The following STK32C variants were observed in gnomAD, a reference collection of about 807,000 sequenced individuals.
The protein encoded by STK32C is serine/threonine-protein kinase 32C.
Under a neutral mutation model 56.5 loss-of-function variants are expected in STK32C, and 31 were observed. The ratio of observed to expected loss-of-function variants is 0.55; its 90% CI spans 0.41 to 0.74. The LOEUF (loss-of-function observed/expected upper bound fraction) is 0.74. Ranked by LOEUF, STK32C falls within the 30% of genes least tolerant of loss-of-function variation. The pLI is 0.00. For missense variants in STK32C, 544 were observed against 676.9 expected, an observed-to-expected ratio of 0.80 and a Z score of 2.18; for synonymous variants, 309 against 289.4, an observed-to-expected ratio of 1.07 and a Z score of -0.69.
chr10:132,304,813 C>T (rs1159842343), intron 1 of STK32C, among the ~76,000 whole-genome samples: 1 of 152,242 alleles, frequency 6.6e-6, no homozygotes, highest in Non-Finnish European at 1.5e-5. Context: ...CCAGGGCGGG[C>T]CGTCCACAGC....
At chr10:132,303,540 G>C (rs1190900379) in intron 1 of STK32C, among the ~76,000 whole-genome samples, 1 of 152,222 alleles carries the variant, frequency 6.6e-6, no homozygotes, top group Non-Finnish European at 1.5e-5. Flanking sequence ...CTCAGCCTGT[G>C]TACCAGGAAG....
intron 1 of STK32C, among the ~76,000 whole-genome samples, chr10:132,281,070 CAACT>C (rs2065188026): frequency 2.0e-5 from 3 of 151,838 alleles, no homozygotes; most frequent in Admixed American, 2.0e-4. Context: ...TGTGATCATG[CAACT>C]ACATTCTGTG....
At chr10:132,257,286 C>T (rs2064155505) in intron 1 of STK32C, among the ~76,000 whole-genome samples, 1 of 152,124 alleles carries the variant, frequency 6.6e-6, no homozygotes. Flanking sequence ...TCTGTCCTTC[C>T]ATCCTCCCAC....
chr10:132,325,478 A>G lies in STK32C; in HGVS notation c.302-1105T>C, dbSNP rs367629439. Among the ~76,000 whole-genome samples the G allele has an allele frequency of 1.4e-4, 21 of 151,054 alleles. No individual in the cohort carries two copies. In the South Asian group the frequency reaches 4.0e-3, roughly 29 times the overall value. ...TGAGGCAGGAGAATGGCGTGAACCCAGGAGGCGGAGCTTCCAGTGAGCCGA... is the reference window on the plus strand; with the variant it reads ...TGAGGCAGGAGAATGGCGTGAACCCGGGAGGCGGAGCTTCCAGTGAGCCGA... On this transcript the variant is annotated intron_variant, in intron 1 of 1. Coordinates refer to the STK32C transcript ENST00000368619.
chr10:132,235,601 A>G (rs2063258566), intron 2 of STK32C, among the ~76,000 whole-genome samples: 1 of 152,060 alleles, frequency 6.6e-6, no homozygotes, highest in South Asian at 2.1e-4. Context: ...GGCAGGAGGA[A>G]GGGACAGTGT....
chr10:132,271,846 A>G (rs1347260610), intron 1 of STK32C, among the ~76,000 whole-genome samples: 2 of 152,178 alleles, frequency 1.3e-5, no homozygotes, highest in African/African-American at 4.8e-5. Flanking sequence ...TCCTGGGCAC[A>G]CTGTGCTCAG....
chr10:132,292,830 C>G (rs567447551), intron 1 of STK32C, among the ~76,000 whole-genome samples: 10 of 152,066 alleles, frequency 6.6e-5, no homozygotes, highest in Non-Finnish European at 1.5e-4. Context: ...CATCAGATTG[C>G]CAACCTCTCA....
exon 1 of STK32C, chr10:132,331,689 A>C: frequency 1.2e-6 from 2 of 1,612,776 alleles, no homozygotes; most frequent in South Asian, 2.2e-5. Flanking sequence ...GTCCTCGAGC[A>C]GCCCCGCCCG....
In STK32C at chr10:132,223,751, C is replaced by T. The variant is rs1031813660; in HGVS notation, c.993+656G>A. On this transcript the variant is annotated intron_variant, in intron 8 of 11. Transcript: ENST00000298630. ...ACGGGGGCCGGGAGGCAGCCGGGCC[C>T]GTGTGGCACACTCACTCCCCTCCCT... Among the ~76,000 whole-genome samples, 17 of 152,314 alleles carry T rather than the reference C, an allele frequency of 1.1e-4. 1 individual carries two copies. In the East Asian group the frequency reaches 1.5e-3, roughly 14 times the overall value.
chr10:132,307,766 C>G lies in STK32C; in HGVS notation c.68G>C (p.Arg23Pro), dbSNP rs1334135265. The change falls in exon 1 of 12, where the codon CGC becomes CCC. Residue 23 changes from arginine to proline, a missense_variant. Coordinates refer to ENST00000298630, the MANE Select transcript of STK32C (RefSeq NM_173575.4). The surrounding 1 kb of genome is among the most constrained non-coding windows in gnomAD (Gnocchi z 4.4). ...AASPGSPPPG[R>P]ARPAGSDAPS... ...CGCGTCGGAGCCGGCGGGGCGCGCG[C>G]GGCCGGGGGGCGGCGAGCCCGGGGA... is the stretch of plus-strand genomic sequence containing the variant. 5.9e-5 allele frequency: 59 copies of G among 1,000,996 alleles called. 1 individual carries two copies. In the East Asian group the frequency reaches 4.2e-3, roughly 72 times the overall value. The allele number at this position is 1,000,996 out of a possible 1,614,324, so 62.0% of individuals were successfully genotyped here. A position where few individuals can be genotyped will look rare whatever the true frequency, so the allele number is the denominator to read the frequency against.
chr10:132,217,550 C>G (rs929972533), intron 10 of STK32C, among the ~76,000 whole-genome samples: 2 of 152,070 alleles, frequency 1.3e-5, no homozygotes, highest in Non-Finnish European at 2.9e-5. Context: ...TTTGGAGGGG[C>G]TGGGGCAGAA....
chr10:132,240,476 G>A (rs954236956), intron 2 of STK32C, among the ~76,000 whole-genome samples: 1 of 152,186 alleles, frequency 6.6e-6, no homozygotes, highest in Non-Finnish European at 1.5e-5. Flanking sequence ...GGCCCTGCAC[G>A]GGGGCATGGA....
At chr10:132,271,945 T>C (rs1428237278) in intron 1 of STK32C, among the ~76,000 whole-genome samples, 1 of 152,128 alleles carries the variant, frequency 6.6e-6, no homozygotes, top group Non-Finnish European at 1.5e-5. Context: ...GACCTCCTCA[T>C]GTTTGTGTGT....
chr10:132,299,928 C>T (rs950914947), intron 1 of STK32C, among the ~76,000 whole-genome samples: 2 of 152,236 alleles, frequency 1.3e-5, no homozygotes, highest in Admixed American at 6.5e-5. Context: ...GGACCCAGGG[C>T]GCTGGCACAG....
In STK32C at chr10:132,307,868, G is replaced by C. The variant is rs755035008; in HGVS notation, c.-35C>G. On this transcript the variant is annotated 5_prime_UTR_variant, in exon 1 of 12. Transcript: ENST00000298630. The surrounding 1 kb of genome is among the most constrained non-coding windows in gnomAD (Gnocchi z 4.4). The stretch of plus-strand genomic sequence containing the variant: ...TGGGTGCGCGCGGCAGCCGGAACTC[G>C]GGGCATGGCCGGCCGGCAGGGCCGG... 2.8e-5 allele frequency: 32 copies of C among 1,142,748 alleles called. No individual in the cohort carries two copies. The South Asian group carries it at 5.2e-4, about 19-fold the overall frequency. The allele number at this position is 1,142,748 out of a possible 1,614,324, so 70.8% of individuals were successfully genotyped here. A position where few individuals can be genotyped will look rare whatever the true frequency, so the allele number is the denominator to read the frequency against.
chr10:132,247,667 A>C (rs1315388762), intron 1 of STK32C, among the ~76,000 whole-genome samples: 1 of 152,070 alleles, frequency 6.6e-6, no homozygotes, highest in Non-Finnish European at 1.5e-5. Flanking sequence ...GTCCTGGGTG[A>C]AGTGGGAGGG....
intron 2 of STK32C, among the ~76,000 whole-genome samples, chr10:132,231,219 C>T (rs552054283): frequency 7.2e-5 from 11 of 152,352 alleles, no homozygotes; most frequent in African/African-American, 2.6e-4. Context: ...CGCACACCCA[C>T]GGCTCTGCTG....
chr10:132,238,303 C>T (rs772831535), intron 2 of STK32C, among the ~76,000 whole-genome samples: 2 of 152,182 alleles, frequency 1.3e-5, no homozygotes, highest in Non-Finnish European at 2.9e-5. Context: ...TTTATTATCA[C>T]ACAGGTGGGT....
At chr10:132,211,616 G>GCTGCC (rs1431113058) in intron 10 of STK32C, among the ~76,000 whole-genome samples, 2 of 152,202 alleles carry the variant, frequency 1.3e-5, no homozygotes, top group Non-Finnish European at 2.9e-5. Flanking sequence ...GGCAGGGTCT[G>GCTGCC]TGCCTGGCCT....
Sources: allele counts gnomAD v4.1 joint callset (sites outside exome capture counted in the v4.1 genomes callset), GRCh38; gene constraint gnomAD v4.1.1; non-coding constraint Gnocchi (gnomAD v3.1); transcripts MANE v1.5; gene names NCBI Gene and HGNC (gene_info 2026-07-23, HGNC 2026-07-21).